The following ROBO2 variants were observed in gnomAD, a reference collection of about 807,000 sequenced individuals.
The protein encoded by ROBO2 is roundabout homolog 2.
In ROBO2, 53 loss-of-function variants were observed where a neutral mutation model predicts 160.8. The ratio of observed to expected loss-of-function variants is 0.33; its 90% CI spans 0.26 to 0.41. The LOEUF is 0.41. ROBO2 is among the 10% of genes least tolerant of loss of function. ROBO2 has a pLI of 1.00. For missense variants in ROBO2, 1,577 were observed against 1,722.4 expected (o/e 0.92, Z 1.49); for synonymous variants, 664 against 611.7 (o/e 1.09, Z -1.26).
At chr3:76,076,391 A>G (rs1293282772) in intron 2 of ROBO2, among the ~76,000 whole-genome samples, 2 of 152,240 alleles carry the variant, frequency 1.3e-5, no homozygotes, top group African/African-American at 4.8e-5. Flanking sequence ...GAAAGGCCAT[A>G]TTAACTCACA....
intron 2 of ROBO2, among the ~76,000 whole-genome samples, chr3:76,319,629 T>G (rs866710830): frequency 9.1e-6 from 1 of 110,180 alleles, no homozygotes; most frequent in African/African-American, 3.3e-5. Flanking sequence ...TCTCAATTTC[T>G]CAATTTAGGG....
intron 2 of ROBO2, among the ~76,000 whole-genome samples, chr3:76,804,536 G>C (rs925780761): frequency 1.3e-5 from 2 of 152,140 alleles, no homozygotes; most frequent in Non-Finnish European, 2.9e-5. Context: ...CAAACTTTCT[G>C]CATAGACTGC....
chr3:77,040,210 G>C (rs2063955849), exon 1 of ROBO2: 3 of 986,684 alleles, frequency 3.0e-6, no homozygotes, highest in Non-Finnish European at 3.6e-6. Context: ...GGCCCGCCAA[G>C]TCTGCCCGCC....
At chr3:76,544,515 G>A (rs2082988231) in intron 2 of ROBO2, among the ~76,000 whole-genome samples, 1 of 151,882 alleles carries the variant, frequency 6.6e-6, no homozygotes, top group Admixed American at 6.6e-5. Flanking sequence ...TTAAATTCAA[G>A]TGTATTCCAT....
intron 2 of ROBO2, among the ~76,000 whole-genome samples, chr3:75,977,434 A>G (rs887871060): frequency 1.3e-5 from 2 of 151,582 alleles, no homozygotes; most frequent in African/African-American, 4.8e-5. Flanking sequence ...TTGCATCTCC[A>G]TATTTGGTTT....
At chr3:75,931,525 T>C (rs758764154) in intron 1 of ROBO2, among the ~76,000 whole-genome samples, 35 of 152,054 alleles carry the variant, frequency 2.3e-4, no homozygotes, top group Admixed American at 4.6e-4. Context: ...CTAACTGTTT[T>C]ATTTTTAGTA....
rs142115435 is a variant in ROBO2 at position 76,344,241 on chromosome 3, T to G, written c.109+406639T>G. ...ACTGATAGCCTGGATTACGTTTTGC[T>G]ATTCAAGGGTATTTACACTTCAGGT... On this transcript the variant is annotated intron_variant, in intron 2 of 26. Transcript: ENST00000487694. Among the ~76,000 whole-genome samples the G allele has an allele frequency of 7.2e-3, 1,094 of 152,284 alleles. 16 individuals are homozygous for G. Among genetic ancestry groups the G allele is most frequent in the African/African-American group, 0.025 (1,047 of 41,580 alleles).
At chr3:76,077,105 C>G (rs187375625) in intron 2 of ROBO2, among the ~76,000 whole-genome samples, 1 of 152,056 alleles carries the variant, frequency 6.6e-6, no homozygotes, top group Non-Finnish European at 1.5e-5. Flanking sequence ...AATTTTCACT[C>G]GTACACAATA....
At chr3:76,805,086 G>C (rs755267766) in intron 2 of ROBO2, among the ~76,000 whole-genome samples, 36 of 152,098 alleles carry the variant, frequency 2.4e-4, no homozygotes, top group Non-Finnish European at 2.2e-4. Context: ...CCATATCATA[G>C]TGTCTAAAGC....
intron 2 of ROBO2, among the ~76,000 whole-genome samples, chr3:76,080,060 A>G (rs1016700011): frequency 6.6e-6 from 1 of 152,176 alleles, no homozygotes; most frequent in African/African-American, 2.4e-5. Flanking sequence ...TTGTGTAGAA[A>G]CATGACACAC....
chr3:76,383,922 T>C (rs1217196838), intron 2 of ROBO2, among the ~76,000 whole-genome samples: 2 of 152,166 alleles, frequency 1.3e-5, no homozygotes, highest in South Asian at 4.1e-4. Context: ...TCCCAGAGGA[T>C]GGAGTGGTTT....
chr3:76,179,536 T>A (rs1011885157), intron 2 of ROBO2, among the ~76,000 whole-genome samples: 1 of 152,164 alleles, frequency 6.6e-6, no homozygotes, highest in Non-Finnish European at 1.5e-5. Flanking sequence ...TTTCTGATAC[T>A]TCCTTCAATC....
intron 2 of ROBO2, among the ~76,000 whole-genome samples, chr3:76,555,009 C>CA (rs920996117): frequency 1.2e-3 from 162 of 137,180 alleles, no homozygotes; most frequent in Admixed American, 2.6e-3. Flanking sequence ...TTGTCACCAG[C>CA]AAAAAAAAAA....
intron 2 of ROBO2, among the ~76,000 whole-genome samples, chr3:76,629,167 T>C (rs2089865896): frequency 6.6e-6 from 1 of 152,172 alleles, no homozygotes; most frequent in African/African-American, 2.4e-5. Flanking sequence ...ATGACACAAA[T>C]GGTTCAAAAA....
At position 76,719,711 on chromosome 3, in the gene ROBO2, C is replaced by T. The variant is rs1576218694; in HGVS notation, c.110-378303C>T. ...CCAGCCTGGCCAACATGGTGAAACC[C>T]TGTCTCGACTAAAAATACAAAAATT... On this transcript the variant is annotated intron_variant, in intron 2 of 26. Transcript: ENST00000487694. 3.3e-5 allele frequency among the ~76,000 whole-genome samples: 5 copies of T among 152,102 alleles called. No homozygotes were observed. In the South Asian group the frequency reaches 1.0e-3, roughly 32 times the overall value.
intron 2 of ROBO2, among the ~76,000 whole-genome samples, chr3:76,922,037 C>A (rs771933509): frequency 6.6e-6 from 1 of 152,054 alleles, no homozygotes; most frequent in Non-Finnish European, 1.5e-5. Context: ...CAAGGCCAGG[C>A]GCGATGGTTC....
rs377280759 is a variant in ROBO2 at position 76,977,036 on chromosome 3, C to T, written c.110-120978C>T. Reference sequence around the variant, plus strand: ...TATTTTAATGCTTCCATTTGCTATTCATGTTGGAAATGGCATCCTATGTAA... The same window carrying T: ...TATTTTAATGCTTCCATTTGCTATTTATGTTGGAAATGGCATCCTATGTAA... On this transcript the variant is annotated intron_variant, in intron 2 of 26. Transcript: ENST00000487694. Among the ~76,000 whole-genome samples, 17 of 152,192 alleles carry T rather than the reference C, an allele frequency of 1.1e-4. 1 individual carries two copies. In the South Asian group the frequency reaches 1.2e-3, roughly 11 times the overall value.
chr3:76,165,599 T>A (rs2106951275), intron 2 of ROBO2, among the ~76,000 whole-genome samples: 1 of 152,312 alleles, frequency 6.6e-6, no homozygotes, highest in African/African-American at 2.4e-5. Flanking sequence ...AGCTGTTTGG[T>A]GCGAGTAGCC....
At position 76,952,225 on chromosome 3, in the gene ROBO2, A is replaced by G. The variant is rs537526219; in HGVS notation, c.110-145789A>G. ...TAGATGGTTGCCAATGGACAAAAAT[A>G]ATTTCTGAATTAGGGCATGATAAAG... is the stretch of plus-strand genomic sequence containing the variant. On this transcript the variant is annotated intron_variant, in intron 2 of 26. Coordinates refer to the ROBO2 transcript ENST00000487694. Among the ~76,000 whole-genome samples, 257 of 152,324 alleles carry G rather than the reference A, an allele frequency of 1.7e-3. 1 individual carries two copies. The highest frequency in any genetic ancestry group is 5.2e-3 in the African/African-American group (218 of 41,568).
Sources: allele counts gnomAD v4.1 joint callset (sites outside exome capture counted in the v4.1 genomes callset), GRCh38; gene constraint gnomAD v4.1.1; transcripts MANE v1.5; gene names NCBI Gene and HGNC (gene_info 2026-07-23, HGNC 2026-07-21).